Variants in ACAD10 observed in about 807,000 individuals in gnomAD.
The protein encoded by ACAD10 is acyl-CoA dehydrogenase family member 10, also known as ACAD-10.
In ACAD10, 112 loss-of-function variants were observed where a neutral mutation model predicts 116.8. That is an observed-to-expected ratio of 0.96 (90% CI 0.82 to 1.12). The LOEUF is 1.12. Among genes scored for constraint, ACAD10 ranks in the 50% most tolerant of loss-of-function variants. The pLI is 0.00. For synonymous variants in ACAD10, 486 were observed against 510.6 expected, an observed-to-expected ratio of 0.95 and a Z score of 0.65; for missense variants, 1,259 against 1,350.2, an observed-to-expected ratio of 0.93 and a Z score of 1.06.
At chr12:111,721,781 G>T in intron 8 of ACAD10, 42 bp downstream of exon 8, 1 of 1,526,274 alleles carries the variant, frequency 6.6e-7, no homozygotes. Flanking sequence ...TCAAGCTACA[G>T]GAGAGAAAAG....
At chr12:111,728,297 AGGTGTTGCTGACTTAG>A (rs1889284029) in intron 9 of ACAD10, among the ~76,000 whole-genome samples, 154 bp downstream of exon 9, 1 of 152,124 alleles carries the variant, frequency 6.6e-6, no homozygotes, top group Admixed American at 6.6e-5. Context: ...GTTTTAATGG[AGGTGTTGCTGACTTAG>A]GCATTTGGGC....
In ACAD10 at chr12:111,756,511, C is replaced by T. The variant is rs946796193; in HGVS notation, c.*38C>T. 14 of 1,603,170 alleles carry T rather than the reference C, an allele frequency of 8.7e-6. No homozygotes were observed. Among genetic ancestry groups the T allele is most frequent in the African/African-American group, 5.4e-5 (4 of 74,640 alleles). ...GCAGTGGCTCAATGTCCTGGCTGGTCCAGCTGTGCCCAGATCTGTCACTGA... is the reference window on the plus strand; with the variant it reads ...GCAGTGGCTCAATGTCCTGGCTGGTTCAGCTGTGCCCAGATCTGTCACTGA... On this transcript the variant is annotated 3_prime_UTR_variant, in exon 21 of 21. Transcript: ENST00000313698.
chr12:111,699,796 T>A (rs533268357), intron 2 of ACAD10, among the ~76,000 whole-genome samples: 43 of 152,184 alleles, frequency 2.8e-4, no homozygotes, highest in Admixed American at 2.8e-3. Context: ...AGCACGCACC[T>A]GTAATCCCAG....
At chr12:111,722,923 G>T (rs1300923869) in intron 8 of ACAD10, among the ~76,000 whole-genome samples, 1 of 151,862 alleles carries the variant, frequency 6.6e-6, no homozygotes, top group East Asian at 2.0e-4. Context: ...ACGGGGTGGT[G>T]GCCGGGCAGA....
At chr12:111,756,263 C>CT (rs2068082755) in intron 20 of ACAD10, 70 bp from the exon 21 acceptor site, 1 of 1,501,232 alleles carries the variant, frequency 6.7e-7, no homozygotes, top group African/African-American at 1.4e-5. Context: ...CAAGAGCAGG[C>CT]TATCATTCCT....
chr12:111,722,363 C>T (rs1233397925), intron 8 of ACAD10, among the ~76,000 whole-genome samples: 1 of 146,276 alleles, frequency 6.8e-6, no homozygotes, highest in Non-Finnish European at 1.5e-5. Context: ...CGTGCCCGGC[C>T]CTAAACTATT....
intron 1 of ACAD10, among the ~76,000 whole-genome samples, chr12:111,689,266 A>G (rs76914881): frequency 0.015 from 2,307 of 152,092 alleles, 66 homozygotes; most frequent in African/African-American, 0.053. Context: ...ATGCATATAT[A>G]TGTATGTATA....
intron 11 of ACAD10, among the ~76,000 whole-genome samples, chr12:111,734,945 C>T (rs570101411): frequency 2.4e-4 from 37 of 151,792 alleles, no homozygotes; most frequent in African/African-American, 6.0e-4. Flanking sequence ...GGAAGACGGC[C>T]GGGCGCGGTG....
intron 1 of ACAD10, chr12:111,690,974 C>T (rs942132215): frequency 2.6e-5 from 4 of 152,004 alleles, no homozygotes; most frequent in African/African-American, 9.7e-5. Flanking sequence ...CTGTAGAAAT[C>T]ACATAAAAAG....
intron 14 of ACAD10, among the ~76,000 whole-genome samples, chr12:111,746,579 G>A (rs2135989587): frequency 6.6e-6 from 1 of 152,204 alleles, no homozygotes; most frequent in Middle Eastern, 3.4e-3. Context: ...GTAGATACAG[G>A]GTTTTACCAT....
At chr12:111,689,529 G>A (rs1295961882) in intron 1 of ACAD10, among the ~76,000 whole-genome samples, 3 of 151,660 alleles carry the variant, frequency 2.0e-5, no homozygotes, top group African/African-American at 4.8e-5. Flanking sequence ...GCGCCACCAC[G>A]CCTGGCTAAT....
intron 14 of ACAD10, among the ~76,000 whole-genome samples, 199 bp from the exon 15 acceptor site, chr12:111,746,850 T>TA (rs1889916485): frequency 6.6e-6 from 1 of 151,988 alleles, no homozygotes; most frequent in Admixed American, 6.6e-5. Flanking sequence ...AATAAAAAAT[T>TA]AATCGGGTGT....
At chr12:111,699,387 G>T (rs1282056308) in intron 2 of ACAD10, among the ~76,000 whole-genome samples, 1 of 151,980 alleles carries the variant, frequency 6.6e-6, no homozygotes, top group Non-Finnish European at 1.5e-5. Flanking sequence ...CTGCCACCTC[G>T]ACCCTTTCCC....
intron 19 of ACAD10, among the ~76,000 whole-genome samples, chr12:111,754,960 G>A (rs1231774281): frequency 3.9e-5 from 6 of 152,212 alleles, no homozygotes; most frequent in Non-Finnish European, 7.3e-5. Context: ...CTGTCAAGCC[G>A]TACACCAGGC....
intron 7 of ACAD10, among the ~76,000 whole-genome samples, chr12:111,718,036 CTTTTTTTTTTTTTTTT>C (rs560344796): frequency 0.028 from 1,812 of 63,816 alleles, 74 homozygotes; most frequent in African/African-American, 0.14. Flanking sequence ...TAGTGATATC[CTTTTTTTTTTTTTTTT>C]TTTTTTTTTT....
In ACAD10 at chr12:111,686,171, C is replaced by G. The variant is rs1887839449; in HGVS notation, c.-82C>G. Reference sequence around the variant, plus strand: ...GGTTTTCGCACAGTCGCGAGTTAACCTCTGCTTGCTCCAGAGGCCTCGTCC... The same window carrying G: ...GGTTTTCGCACAGTCGCGAGTTAACGTCTGCTTGCTCCAGAGGCCTCGTCC... On this transcript the variant is annotated 5_prime_UTR_variant, in exon 1 of 21. Coordinates refer to ENST00000313698, the MANE Select transcript of ACAD10 (RefSeq NM_025247.6). 6.4e-6 allele frequency: 1 copy of G among 155,800 alleles called. No homozygotes were observed. Among genetic ancestry groups the G allele is most frequent in the South Asian group, 2.0e-4 (1 of 5,026 alleles). 9.7% of individuals were successfully genotyped at this position (155,800 alleles called of 1,614,324 possible).
At position 111,749,176 on chromosome 12, in the gene ACAD10, G is replaced by T. The variant is rs1890000323; in HGVS notation, c.2648G>T (p.Gly883Val). The T allele has an allele frequency of 6.2e-7, 1 of 1,612,578 alleles. No homozygotes were observed. The highest frequency in any genetic ancestry group is 8.5e-7 in the Non-Finnish European group (1 of 1,178,822). Reference sequence around the variant, plus strand: ...AGTGATCGTTTGGGTCTTTCAGGTGGCCATGGTGAAGTCCGATTTGAGCAC... The same window carrying T: ...AGTGATCGTTTGGGTCTTTCAGGTGTCCATGGTGAAGTCCGATTTGAGCAC... ...TVYGLEDAPG[G>V]HGEVRFEHVR... The change falls in exon 18 of 21, where the codon GGC becomes GTC. Residue 883 changes from glycine to valine, a missense_variant. Gly to Val is a moderately radical substitution (Grantham distance 109). Transcript: ENST00000313698.
At chr12:111,713,624 CAA>C (rs35030891) in intron 6 of ACAD10, among the ~76,000 whole-genome samples, 2 of 112,816 alleles carry the variant, frequency 1.8e-5, no homozygotes, top group Admixed American at 1.0e-4. Context: ...GACTCCATCT[CAA>C]AAAAAAAAAG....
chr12:111,724,559 T>A (rs1268980075), intron 8 of ACAD10, among the ~76,000 whole-genome samples: 2 of 152,188 alleles, frequency 1.3e-5, no homozygotes, highest in Admixed American at 1.3e-4. Context: ...TCCCGGCACC[T>A]CGGGAGGCTG....
Sources: gnomAD v4.1 joint callset for allele counts (sites outside exome capture counted in the v4.1 genomes callset) on GRCh38, gnomAD v4.1.1 for gene constraint, MANE v1.5 for transcripts, NCBI Gene and HGNC (gene_info 2026-07-23, HGNC 2026-07-21) for gene names.